The following CCDC146 variants were observed in gnomAD, a reference collection of about 807,000 sequenced individuals.
The protein encoded by CCDC146 is coiled-coil domain containing 146.
In CCDC146, 92 loss-of-function variants were observed where a neutral mutation model predicts 119.3. The ratio of observed to expected loss-of-function variants is 0.77; its 90% CI spans 0.65 to 0.92. CCDC146 has a LOEUF of 0.92. CCDC146 is among the 40% of genes least tolerant of loss of function. CCDC146 has a pLI of 0.00. For missense variants in CCDC146, 1,000 were observed against 1,103.0 expected, an observed-to-expected ratio of 0.91 and a Z score of 1.32; for synonymous variants, 372 against 371.8, an observed-to-expected ratio of 1.00 and a Z score of -0.01.
chr7:77,240,923 C>A (rs1348363418), intron 3 of CCDC146, among the ~76,000 whole-genome samples: 1 of 151,650 alleles, frequency 6.6e-6, no homozygotes, highest in Non-Finnish European at 1.5e-5. Context: ...ATCTCTGTGA[C>A]AATTTCTCAG....
At chr7:77,209,430 G>A (rs1047756197) in intron 2 of CCDC146, among the ~76,000 whole-genome samples, 1 of 152,254 alleles carries the variant, frequency 6.6e-6, no homozygotes, top group Non-Finnish European at 1.5e-5. Flanking sequence ...CTCCACCCCT[G>A]TGGCTCTGCA....
intron 2 of CCDC146, among the ~76,000 whole-genome samples, chr7:77,197,383 C>T (rs1562830037): frequency 1.3e-5 from 2 of 152,228 alleles, no homozygotes; most frequent in Non-Finnish European, 2.9e-5. Flanking sequence ...TGCCAGTCTG[C>T]ATGTGAGGAT....
chr7:77,123,058 C>T (rs1020297222), intron 1 of CCDC146, among the ~76,000 whole-genome samples: 15 of 144,200 alleles, frequency 1.0e-4, no homozygotes, highest in Non-Finnish European at 2.0e-4. Context: ...TTGTGAGGAT[C>T]AAGTAAGAAA....
At chr7:77,161,239 A>G (rs1584033404) in intron 1 of CCDC146, among the ~76,000 whole-genome samples, 1 of 152,176 alleles carries the variant, frequency 6.6e-6, no homozygotes, top group African/African-American at 2.4e-5. Context: ...TGATTCCTCA[A>G]GGATCTAGAA....
At chr7:77,170,080 G>A (rs1372521411) in intron 2 of CCDC146, among the ~76,000 whole-genome samples, 1 of 152,052 alleles carries the variant, frequency 6.6e-6, no homozygotes, top group Admixed American at 6.6e-5. Context: ...GCATCCAGGT[G>A]GTAAGCCTAG....
rs892223881 is a variant in CCDC146, at chr7:77,236,895, T to A, written c.157-52T>A. ...ACCATATATCCATTCCATCCCCTGC[T>A]TAAGCCTAAAGAGAATGGTGATTAA... On this transcript the variant is annotated intron_variant, in intron 2 of 18. Transcript: ENST00000285871. 3 of 1,358,292 alleles carry A rather than the reference T, an allele frequency of 2.2e-6. No individual in the cohort carries two copies. In the Admixed American group the frequency reaches 5.1e-5, roughly 23 times the overall value. The allele number at this position is 1,358,292 out of a possible 1,614,324, so 84.1% of individuals were successfully genotyped here.
intron 2 of CCDC146, 50 bp from the exon 3 acceptor site, chr7:77,236,897 A>C: frequency 1.5e-6 from 2 of 1,364,048 alleles, no homozygotes; most frequent in Non-Finnish European, 2.1e-6. Flanking sequence ...TCCCCTGCTT[A>C]AGCCTAAAGA....
chr7:77,235,899 A>T (rs757082970), intron 2 of CCDC146, among the ~76,000 whole-genome samples: 12 of 152,012 alleles, frequency 7.9e-5, no homozygotes, highest in Non-Finnish European at 1.6e-4. Context: ...GTGAACCCCC[A>T]TCCCTACTAA....
At chr7:77,269,757 T>C (rs1203560601) in intron 9 of CCDC146, among the ~76,000 whole-genome samples, 1 of 152,218 alleles carries the variant, frequency 6.6e-6, no homozygotes, top group Admixed American at 6.5e-5. Flanking sequence ...ATTAGAATCC[T>C]TTTCCTTTGT....
intron 8 of CCDC146, 42 bp downstream of exon 8, chr7:77,260,278 T>G (rs898352648): frequency 1.4e-6 from 2 of 1,407,404 alleles, no homozygotes; most frequent in Non-Finnish European, 1.9e-6. Context: ...CATCTAAATT[T>G]TTCTTCAATT....
chr7:77,262,611 GC>G (rs1307065429), intron 9 of CCDC146, among the ~76,000 whole-genome samples: 1 of 152,300 alleles, frequency 6.6e-6, no homozygotes, highest in East Asian at 1.9e-4. Flanking sequence ...GCAGAATGGG[GC>G]CAAGTGGATC....
At chr7:77,191,724 C>T (rs377457285) in intron 2 of CCDC146, among the ~76,000 whole-genome samples, 69 of 151,978 alleles carry the variant, frequency 4.5e-4, no homozygotes, top group East Asian at 7.8e-4. Flanking sequence ...CTGGCTAACA[C>T]GGTGAAACCC....
intron 2 of CCDC146, among the ~76,000 whole-genome samples, chr7:77,201,933 G>A (rs981573192): frequency 7.2e-5 from 11 of 151,972 alleles, no homozygotes; most frequent in South Asian, 4.1e-4. Context: ...AAACCATTTT[G>A]TAAAGTAGAA....
At chr7:77,168,584 C>T (rs1283046941) in intron 2 of CCDC146, among the ~76,000 whole-genome samples, 2 of 151,970 alleles carry the variant, frequency 1.3e-5, no homozygotes, top group African/African-American at 4.8e-5. Flanking sequence ...CAAATTGGAA[C>T]AGAATGCAAT....
intron 4 of CCDC146, among the ~76,000 whole-genome samples, chr7:77,251,718 A>G (rs1562848339): frequency 6.6e-6 from 1 of 152,160 alleles, no homozygotes; most frequent in Admixed American, 6.5e-5. Context: ...GAACCTTTGG[A>G]GCTGTGATTC....
intron 8 of CCDC146, 54 bp downstream of exon 8, chr7:77,260,290 A>G (rs1471715978): frequency 4.6e-6 from 6 of 1,291,080 alleles, no homozygotes; most frequent in South Asian, 4.4e-5. Flanking sequence ...TCTTCAATTT[A>G]TATTTGAGAA....
intron 1 of CCDC146, among the ~76,000 whole-genome samples, chr7:77,134,563 C>CTGTGTGTGTGTGTG (rs1554345524): frequency 2.2e-5 from 3 of 139,310 alleles, no homozygotes; most frequent in Admixed American, 7.0e-5. Context: ...GTGTGTGTGT[C>CTGTGTGTGTGTGTG]TGTGTGTGTG....
intron 1 of CCDC146, among the ~76,000 whole-genome samples, chr7:77,125,423 A>G (rs1790679246): frequency 6.6e-6 from 1 of 151,874 alleles, no homozygotes. Context: ...AGGGATATAT[A>G]CCACTTGATA....
chr7:77,166,896 G>A (rs941391226), intron 1 of CCDC146, among the ~76,000 whole-genome samples: 2 of 152,176 alleles, frequency 1.3e-5, no homozygotes, highest in Non-Finnish European at 2.9e-5. Flanking sequence ...AGCAATTACA[G>A]AAGAACCTCA....
Sources: allele counts gnomAD v4.1 joint callset (sites outside exome capture counted in the v4.1 genomes callset), GRCh38; gene constraint gnomAD v4.1.1; transcripts MANE v1.5; gene names NCBI Gene and HGNC (gene_info 2026-07-23, HGNC 2026-07-21).